The following CTDSP2 variants were observed in gnomAD, a reference collection of about 807,000 sequenced individuals.
The protein encoded by CTDSP2 is carboxy-terminal domain RNA polymerase II polypeptide A small phosphatase 2.
A neutral mutation model predicts 31.6 loss-of-function variants in CTDSP2; 9 were observed. The ratio of observed to expected loss-of-function variants is 0.28; its 90% CI spans 0.17 to 0.50. CTDSP2 has a LOEUF of 0.50. Among genes scored for constraint, CTDSP2 ranks in the 20% least tolerant of loss-of-function variants. The probability of loss-of-function intolerance (pLI) is 0.98; values close to 1 mark genes in which losing one functional copy is unlikely to be tolerated. For synonymous variants in CTDSP2, 134 were observed against 134.5 expected (o/e 1.00, Z 0.03); for missense variants, 267 against 348.5 (o/e 0.77, Z 1.86).
chr12:57,844,405 G>A (rs1010399235), intron 1 of CTDSP2, among the ~76,000 whole-genome samples: 1 of 152,162 alleles, frequency 6.6e-6, no homozygotes, highest in African/African-American at 2.4e-5. Flanking sequence ...TTTCTAAGAT[G>A]CCCCGGCGCA....
In CTDSP2 at chr12:57,822,683, T is replaced by C. The variant is rs1425124474; in HGVS notation, c.*919A>G. Reference sequence around the variant, plus strand: ...CCGAGCTTAGCTGATCCACAAGCCATGGGGACACACGTCCACGCTTTGAGG... The same window carrying C: ...CCGAGCTTAGCTGATCCACAAGCCACGGGGACACACGTCCACGCTTTGAGG... On this transcript the variant is annotated 3_prime_UTR_variant, in exon 8 of 8. Coordinates refer to ENST00000398073, the MANE Select transcript of CTDSP2 (RefSeq NM_005730.4). 1 of 152,282 alleles carries C rather than the reference T, an allele frequency of 6.6e-6. No homozygotes were observed. The highest frequency in any genetic ancestry group is 1.5e-5 in the Non-Finnish European group (1 of 68,074). 9.4% of individuals were successfully genotyped at this position (152,282 alleles called of 1,614,324 possible).
intron 6 of CTDSP2, 27 bp downstream of exon 6, chr12:57,824,200 T>TG (rs1309808318): frequency 6.2e-7 from 1 of 1,612,166 alleles, no homozygotes; most frequent in Non-Finnish European, 8.5e-7. Context: ...CACCCACTCC[T>TG]GGTTCTTCCC....
chr12:57,845,289 C>A (rs1825134415), intron 1 of CTDSP2, among the ~76,000 whole-genome samples: 1 of 152,248 alleles, frequency 6.6e-6, no homozygotes, highest in Admixed American at 6.5e-5. Flanking sequence ...GGAAAATCTG[C>A]CGCTATTTTG....
At chr12:57,840,679 C>T (rs916471969) in intron 1 of CTDSP2, among the ~76,000 whole-genome samples, 1 of 145,300 alleles carries the variant, frequency 6.9e-6, no homozygotes, top group African/African-American at 2.6e-5. Context: ...AGTGCAAATT[C>T]AAGAGGATGG....
chr12:57,830,737 T>A (rs1956210663), intron 1 of CTDSP2, among the ~76,000 whole-genome samples: 1 of 152,162 alleles, frequency 6.6e-6, no homozygotes, highest in African/African-American at 2.4e-5. Context: ...ACAAAGTCAT[T>A]TTATTTTTAT....
At chr12:57,834,741 G>A (rs1051777801) in intron 1 of CTDSP2, among the ~76,000 whole-genome samples, 79 of 152,318 alleles carry the variant, frequency 5.2e-4, no homozygotes, top group African/African-American at 1.8e-3. Flanking sequence ...GTGTGATGGG[G>A]AGGGGCACAG....
rs764200649 is a variant in CTDSP2 at position 57,824,318 on chromosome 12, A to G, written c.413T>C (p.Val138Ala). Reference protein sequence around the residue: ...PIEIEGTTHQVYVLKRPYVDE... With the variant: ...PIEIEGTTHQAYVLKRPYVDE... ...CACATAAGGCCTCTTGAGCACATAC[A>G]CCTGAGGAAGAGCAGAGCAGCCTGT... The change falls in exon 6 of 8, where the codon GTG (valine) becomes GCG (alanine). Residue 138 changes from valine to alanine, a missense_variant and splice_region_variant. Around this residue, in one of 2 missense-constraint regions of CTDSP2, gnomAD observed 156 missense variants for 241.3 expected, o/e 0.65. Transcript: ENST00000398073. 1 of 1,612,458 alleles carries G rather than the reference A, an allele frequency of 6.2e-7. No individual in the cohort carries two copies. Among genetic ancestry groups the G allele is most frequent in the South Asian group, 1.1e-5 (1 of 91,040 alleles).
intron 1 of CTDSP2, among the ~76,000 whole-genome samples, chr12:57,844,512 C>T (rs951251941): frequency 7.2e-5 from 11 of 152,196 alleles, no homozygotes; most frequent in African/African-American, 2.4e-4. Flanking sequence ...AGTGGGGAAG[C>T]ACAGGGCTCC....
intron 1 of CTDSP2, chr12:57,842,151 G>T (rs1417142146): frequency 6.6e-6 from 1 of 152,176 alleles, no homozygotes; most frequent in Non-Finnish European, 1.5e-5. Context: ...GGAGGAATTG[G>T]AAGGGAAGCT....
At chr12:57,833,055 TA>T (rs1158857517) in intron 1 of CTDSP2, among the ~76,000 whole-genome samples, 1 of 152,140 alleles carries the variant, frequency 6.6e-6, no homozygotes. Context: ...ATCAGAGGCT[TA>T]ACCCGGGCAC....
chr12:57,827,001 A>G lies in CTDSP2; in HGVS notation c.349T>C (p.Phe117Leu). Residue 117 changes from phenylalanine to leucine, a missense_variant, in exon 4 of 8, where the codon TTT becomes CTT. Phe to Leu is a conservative substitution (Grantham distance 22). This residue lies in a region of CTDSP2 where 156 missense variants were observed against 241.3 expected (regional missense o/e 0.65). Coordinates refer to ENST00000398073, the MANE Select transcript of CTDSP2 (RefSeq NM_005730.4). The part of the protein sequence containing the change: ...DLDETLVHSS[F>L]KPINNADFIV... ...GGTTCCAGACATTGAGTTACCTTAA[A>G]GGAGCTATGCACAAGGGTTTCATCG... is the stretch of plus-strand genomic sequence containing the variant. 6.2e-7 allele frequency: 1 copy of G among 1,610,830 alleles called. No individual in the cohort carries two copies. The highest frequency in any genetic ancestry group is 8.5e-7 in the Non-Finnish European group (1 of 1,177,698).
Position 57,823,699 on chromosome 12 carries a change from A to G in CTDSP2, c.719T>C (p.Met240Thr). The change falls in exon 8 of 8, where the codon ATG (methionine) becomes ACG (threonine). Residue 240 changes from methionine (M) to threonine (T), a missense_variant. By Grantham distance (81) the Met-to-Thr change is moderately conservative. Coordinates refer to ENST00000398073, the MANE Select transcript of CTDSP2 (RefSeq NM_005730.4). ...CAGGTTCAGCAACTCAGTGTCTGCC[A>G]TGTCATCAAACCAGGACTGCACAGG... ...AVPVQSWFDD[M>T]ADTELLNLIP... is the part of the protein sequence containing the mutation. 6.2e-7 allele frequency: 1 copy of G among 1,614,080 alleles called. No homozygotes were observed. The highest frequency in any genetic ancestry group is 8.5e-7 in the Non-Finnish European group (1 of 1,180,022).
At position 57,821,398 on chromosome 12, in the gene CTDSP2, A is replaced by G. The variant is rs191468851; in HGVS notation, c.*2204T>C. On this transcript the variant is annotated 3_prime_UTR_variant, in exon 8 of 8. Transcript: ENST00000398073. ...AAGCACTTGGACAAGTCTGTTAGGA[A>G]AGGGGGTGGCACATGCTCTTCCGCC... The G allele has an allele frequency of 1.0e-3, 153 of 152,734 alleles. No individual in the cohort carries two copies. Among genetic ancestry groups the G allele is most frequent in the Non-Finnish European group, 1.7e-3 (116 of 68,054 alleles). 9.5% of individuals were successfully genotyped at this position (152,734 alleles called of 1,614,324 possible).
intron 1 of CTDSP2, among the ~76,000 whole-genome samples, chr12:57,839,610 C>T (rs1247964124): frequency 6.6e-6 from 1 of 152,012 alleles, no homozygotes; most frequent in East Asian, 1.9e-4. Flanking sequence ...CCCAGCTACT[C>T]AGGAGGCTGA....
rs140866764 is a variant in CTDSP2 at position 57,821,695 on chromosome 12, G to A, written c.*1907C>T. 6 of 152,338 alleles carry A rather than the reference G, an allele frequency of 3.9e-5. No individual in the cohort carries two copies. The East Asian group carries it at 1.2e-3, about 29-fold the overall frequency. 9.4% of individuals were successfully genotyped at this position (152,338 alleles called of 1,614,324 possible). A position where few individuals can be genotyped will look rare whatever the true frequency, so the allele number is the denominator to read the frequency against. On this transcript the variant is annotated 3_prime_UTR_variant, in exon 8 of 8. Coordinates refer to ENST00000398073, the MANE Select transcript of CTDSP2 (RefSeq NM_005730.4). ...TTCCTTCAAGAGACAGTATATTTCT[G>A]GCTAGCACATGGGGTCCTTCTCCCT... is the stretch of plus-strand genomic sequence containing the variant.
chr12:57,823,799 G>A, intron 7 of CTDSP2, 72 bp from the exon 8 acceptor site: 1 of 1,610,298 alleles, frequency 6.2e-7, no homozygotes, highest in Non-Finnish European at 8.5e-7. Flanking sequence ...AGCCCTAGAG[G>A]GTGGCTGGGT....
intron 1 of CTDSP2, among the ~76,000 whole-genome samples, chr12:57,830,128 G>A (rs1956205882): frequency 6.6e-6 from 1 of 152,196 alleles, no homozygotes; most frequent in African/African-American, 2.4e-5. Context: ...GCTCACGCCT[G>A]TAATTCCAGC....
chr12:57,828,398 G>C (rs556966433), intron 2 of CTDSP2, among the ~76,000 whole-genome samples: 4 of 146,892 alleles, frequency 2.7e-5, no homozygotes, highest in Non-Finnish European at 5.9e-5. Flanking sequence ...TCCAGCCTGA[G>C]CAACAAGAGC....
chr12:57,844,815 A>T (rs998202552), intron 1 of CTDSP2, among the ~76,000 whole-genome samples: 1 of 151,714 alleles, frequency 6.6e-6, no homozygotes, highest in Non-Finnish European at 1.5e-5. Flanking sequence ...GGGGGTTGGG[A>T]TCTGAGTAGG....
Sources: allele counts gnomAD v4.1 joint callset (sites outside exome capture counted in the v4.1 genomes callset), GRCh38; gene constraint gnomAD v4.1.1; regional missense constraint gnomAD v4.1.1; transcripts MANE v1.5; gene names NCBI Gene and HGNC (gene_info 2026-07-23, HGNC 2026-07-21).